Variants in ITGAE observed in about 807,000 individuals in gnomAD.
ITGAE encodes integrin alpha-E.
A neutral mutation model predicts 136.5 loss-of-function variants in ITGAE; 99 were observed. That is an observed-to-expected ratio of 0.73 (90% CI 0.62 to 0.86). The LOEUF (loss-of-function observed/expected upper bound fraction) is 0.86, where lower values mean the gene tolerates loss of function less well. ITGAE is among the 40% of genes least tolerant of loss of function. The pLI is 0.00. For missense variants in ITGAE, 1,447 were observed against 1,515.3 expected (o/e 0.95, Z 0.75); for synonymous variants, 613 against 591.8 (o/e 1.04, Z -0.52).
At chr17:3,745,708 A>C in intron 18 of ITGAE, 56 bp downstream of exon 18, 2 of 1,548,676 alleles carry the variant, frequency 1.3e-6, no homozygotes, top group South Asian at 1.2e-5. Flanking sequence ...ATCACCTCAA[A>C]TCCTTTCTCA....
At chr17:3,767,051 C>T (rs2052316571) in intron 2 of ITGAE, among the ~76,000 whole-genome samples, 1 of 151,702 alleles carries the variant, frequency 6.6e-6, no homozygotes, top group South Asian at 2.1e-4. Context: ...TGCCCTACAT[C>T]CAATCCACCT....
chr17:3,723,509 C>A, intron 27 of ITGAE, 126 bp from the exon 28 acceptor site: 2 of 990,658 alleles, frequency 2.0e-6, no homozygotes, highest in Non-Finnish European at 3.1e-6. Context: ...TCAGCGCTCA[C>A]CTCGGCCCAA....
chr17:3,726,150 T>C lies in ITGAE; in HGVS notation c.3084+1769A>G, dbSNP rs74714325. On this transcript the variant is annotated intron_variant, in intron 26 of 30. Coordinates refer to ENST00000263087, the MANE Select transcript of ITGAE (RefSeq NM_002208.5). ...CAACCGCTGGGGTGAATATCACCCT[T>C]ATAGTAATGTGCTCTGGTTACATTA... is the stretch of plus-strand genomic sequence containing the variant. 2,027 of 1,614,188 alleles carry C rather than the reference T, an allele frequency of 1.3e-3. 3 individuals carry two copies. The highest frequency in any genetic ancestry group is 1.5e-3 in the Non-Finnish European group (1,822 of 1,180,022).
chr17:3,716,919 T>C, intron 29 of ITGAE, 121 bp from the exon 30 acceptor site: 1 of 618,870 alleles, frequency 1.6e-6, no homozygotes, highest in Non-Finnish European at 2.9e-6. Flanking sequence ...TGATCAAAGC[T>C]GATGACAGTA....
chr17:3,791,224 T>C (rs971938373), intron 1 of ITGAE, among the ~76,000 whole-genome samples: 2 of 151,784 alleles, frequency 1.3e-5, no homozygotes, highest in Non-Finnish European at 2.9e-5. Flanking sequence ...TGGTATTAGA[T>C]GATACCAAAG....
chr17:3,720,529 C>T (rs1597292889), intron 28 of ITGAE, 127 bp from the exon 29 acceptor site: 2 of 573,002 alleles, frequency 3.5e-6, no homozygotes, highest in Admixed American at 3.1e-5. Flanking sequence ...CCCTAACGTA[C>T]ACAACACTAC....
chr17:3,783,329 C>T (rs764869957), intron 1 of ITGAE, among the ~76,000 whole-genome samples: 5 of 151,888 alleles, frequency 3.3e-5, no homozygotes, highest in Non-Finnish European at 5.9e-5. Context: ...TTAGTAGAGA[C>T]GAGGTTTCAC....
At chr17:3,717,278 TA>T (rs749989672) in intron 29 of ITGAE, 1 of 155,052 alleles carries the variant, frequency 6.4e-6, no homozygotes, top group Non-Finnish European at 1.4e-5. Context: ...AAGGCTTTGG[TA>T]ATACACTTTC....
chr17:3,715,744 C>A (rs2050929901), intron 30 of ITGAE, among the ~76,000 whole-genome samples: 1 of 151,892 alleles, frequency 6.6e-6, no homozygotes, highest in South Asian at 2.1e-4. Context: ...GAGTAACAGT[C>A]CCAGTTACTC....
At position 3,755,684 on chromosome 17, in the gene ITGAE, T is replaced by A. The variant is rs565632130; in HGVS notation, c.1239+146A>T. On this transcript the variant is annotated intron_variant, in intron 11 of 30. Coordinates refer to ENST00000263087, the MANE Select transcript of ITGAE (RefSeq NM_002208.5). ...TCCGTCTCAAAATAAATAAATAAAT[T>A]AATTAATTAAAATAAAATCGCTCTT... The A allele has an allele frequency of 1.4e-3, 753 of 555,282 alleles. 3 individuals carry two copies. Among genetic ancestry groups the A allele is most frequent in the Admixed American group, 3.0e-3 (91 of 30,102 alleles). 34.4% of individuals were successfully genotyped at this position (555,282 alleles called of 1,614,324 possible).
At chr17:3,724,328 C>T in intron 26 of ITGAE, 1 of 1,588,570 alleles carries the variant, frequency 6.3e-7, no homozygotes, top group Non-Finnish European at 8.5e-7. Context: ...CACCCTGCGG[C>T]CCGCTCCGAC....
intron 2 of ITGAE, among the ~76,000 whole-genome samples, chr17:3,770,613 C>T (rs775062081): frequency 5.3e-5 from 8 of 152,206 alleles, no homozygotes; most frequent in African/African-American, 1.2e-4. Context: ...GGCCAGCCAG[C>T]GCACTTCCTG....
At chr17:3,771,520 G>A (rs1397910686) in intron 2 of ITGAE, among the ~76,000 whole-genome samples, 2 of 150,892 alleles carry the variant, frequency 1.3e-5, no homozygotes, top group Non-Finnish European at 2.9e-5. Flanking sequence ...TGCTTATGAG[G>A]TGTGCATTTT....
intron 28 of ITGAE, chr17:3,720,663 C>A (rs1334865084): frequency 4.7e-5 from 13 of 274,058 alleles, no homozygotes; most frequent in Non-Finnish European, 7.0e-5. Flanking sequence ...CTCACTGCAA[C>A]CTCCACCCCG....
chr17:3,741,382 C>A (rs1051967696), intron 19 of ITGAE, among the ~76,000 whole-genome samples: 1 of 151,936 alleles, frequency 6.6e-6, no homozygotes, highest in East Asian at 1.9e-4. Context: ...CCCCCGCGCC[C>A]GGCCTTTTGT....
At chr17:3,725,779 T>C in intron 26 of ITGAE, 1 of 1,602,728 alleles carries the variant, frequency 6.2e-7, no homozygotes. Flanking sequence ...TTAGAGCAAA[T>C]GCGAACCAAG....
intron 28 of ITGAE, 27 bp downstream of exon 28, chr17:3,723,261 A>G: frequency 1.4e-6 from 2 of 1,465,400 alleles, no homozygotes; most frequent in Middle Eastern, 3.5e-4. Context: ...TGGATAATCA[A>G]ATCTGGAGCA....
chr17:3,723,211 G>A, intron 28 of ITGAE, 77 bp downstream of exon 28: 2 of 991,166 alleles, frequency 2.0e-6, no homozygotes, highest in Non-Finnish European at 3.3e-6. Context: ...GTTATGCAAA[G>A]ATGCTATTAT....
intron 26 of ITGAE, among the ~76,000 whole-genome samples, chr17:3,727,601 G>A (rs1303195857): frequency 5.9e-5 from 9 of 151,978 alleles, no homozygotes; most frequent in Admixed American, 3.3e-4. Flanking sequence ...GGGTTTCACC[G>A]TGTTAGCCAG....
Sources: allele counts gnomAD v4.1 joint callset (sites outside exome capture counted in the v4.1 genomes callset), GRCh38; gene constraint gnomAD v4.1.1; transcripts MANE v1.5; gene names NCBI Gene and HGNC (gene_info 2026-07-23, HGNC 2026-07-21).